The following BCKDHB variants were observed in gnomAD, a reference collection of about 807,000 sequenced individuals.
BCKDHB encodes the protein 2-oxoisovalerate dehydrogenase subunit beta, mitochondrial.
BCKDHB carries 41 observed loss-of-function variants against 48.5 expected under a neutral mutation model. The ratio of observed to expected loss-of-function variants is 0.85; its 90% CI spans 0.66 to 1.10. BCKDHB has a LOEUF of 1.10. Among genes scored for constraint, BCKDHB ranks in the 50% least tolerant of loss-of-function variants. BCKDHB has a pLI of 0.00. For missense variants in BCKDHB, 496 were observed against 494.2 expected, an observed-to-expected ratio of 1.00 and a Z score of -0.03; for synonymous variants, 201 against 174.8, an observed-to-expected ratio of 1.15 and a Z score of -1.18.
chr6:80,401,082 G>A, the BCKDHB span, among the ~76,000 whole-genome samples: 1 of 147,182 alleles, frequency 6.8e-6, no homozygotes, highest in Non-Finnish European at 1.5e-5. Context: ...GGTGGGAAGA[G>A]GGAGAAGATA....
intron 9 of BCKDHB, among the ~76,000 whole-genome samples, chr6:80,322,151 T>A (rs1768761200): frequency 6.6e-6 from 1 of 152,156 alleles, no homozygotes; most frequent in Non-Finnish European, 1.5e-5. Flanking sequence ...CTCTTTTCTT[T>A]ACTGTAATGG....
chr6:80,234,226 C>T (rs1776052049), intron 8 of BCKDHB, among the ~76,000 whole-genome samples: 6 of 152,124 alleles, frequency 3.9e-5, no homozygotes. Flanking sequence ...TTGGGGACCC[C>T]TGGTATAATG....
intron 3 of BCKDHB, among the ~76,000 whole-genome samples, chr6:80,158,686 T>TA (rs1213647494): frequency 1.3e-5 from 2 of 152,182 alleles, no homozygotes; most frequent in Admixed American, 1.3e-4. Flanking sequence ...CAGGCCTTTG[T>TA]ACTCTCACAC....
chr6:80,202,556 C>A (rs534634748), intron 7 of BCKDHB, among the ~76,000 whole-genome samples: 6 of 152,142 alleles, frequency 3.9e-5, no homozygotes, highest in African/African-American at 1.4e-4. Flanking sequence ...TGTTTAAATT[C>A]AGCTCTTATT....
chr6:80,374,473 CAGTTT>C, the BCKDHB span: 1 of 752,778 alleles, frequency 1.3e-6, no homozygotes, highest in African/African-American at 1.7e-5. Context: ...ATGGCCTGGG[CAGTTT>C]CACGAGTGTT....
In BCKDHB at chr6:80,113,262, C is replaced by G. The variant is rs557665320; in HGVS notation, c.196+6373C>G. Among the ~76,000 whole-genome samples the G allele has an allele frequency of 5.3e-5, 8 of 152,332 alleles. No homozygotes were observed. In the South Asian group the frequency reaches 1.7e-3, roughly 32 times the overall value. On this transcript the variant is annotated intron_variant, in intron 1 of 9. Coordinates refer to ENST00000320393, the MANE Select transcript of BCKDHB (RefSeq NM_183050.4). Reference sequence around the variant, plus strand: ...GATAGAAAAGAGTCCTCTCCTTCCCCCTCCTGGTATGGGCAGCTATCCCCC... The same window carrying G: ...GATAGAAAAGAGTCCTCTCCTTCCCGCTCCTGGTATGGGCAGCTATCCCCC...
chr6:80,275,920 A>G (rs1777952189), intron 9 of BCKDHB, among the ~76,000 whole-genome samples: 1 of 151,932 alleles, frequency 6.6e-6, no homozygotes, highest in Non-Finnish European at 1.5e-5. Flanking sequence ...AGCATGATTC[A>G]TATTTCTCTA....
At chr6:80,241,311 C>A (rs1344457650) in intron 8 of BCKDHB, among the ~76,000 whole-genome samples, 1 of 152,176 alleles carries the variant, frequency 6.6e-6, no homozygotes, top group African/African-American at 2.4e-5. Flanking sequence ...GAGCTGCGAT[C>A]CTTTGAAGGA....
chr6:80,308,008 G>T, intron 9 of BCKDHB: 5 of 773,316 alleles, frequency 6.5e-6, no homozygotes, highest in Non-Finnish European at 7.9e-6. Flanking sequence ...ACAACTAAGG[G>T]GATGGTCACT....
chr6:80,167,179 G>T (rs1772619083), intron 3 of BCKDHB, among the ~76,000 whole-genome samples: 1 of 151,898 alleles, frequency 6.6e-6, no homozygotes, highest in African/African-American at 2.4e-5. Flanking sequence ...TACTTTGCCT[G>T]CTATTAATAT....
chr6:80,432,858 G>T, the BCKDHB span, among the ~76,000 whole-genome samples: 1 of 152,042 alleles, frequency 6.6e-6, no homozygotes, highest in Non-Finnish European at 1.5e-5. Context: ...TATGGATGGG[G>T]TCTCTGAGTG....
chr6:80,254,529 C>G (rs1269162301), intron 8 of BCKDHB, among the ~76,000 whole-genome samples: 2 of 151,982 alleles, frequency 1.3e-5, no homozygotes, highest in Non-Finnish European at 2.9e-5. Flanking sequence ...GACCCCATCT[C>G]TACAAAAATA....
chr6:80,135,116 T>C, intron 3 of BCKDHB, among the ~76,000 whole-genome samples: 1 of 152,130 alleles, frequency 6.6e-6, no homozygotes, highest in Non-Finnish European at 1.5e-5. Flanking sequence ...TATATATTTT[T>C]TGTGAATTAT....
chr6:80,332,665 T>C lies in BCKDHB; in HGVS notation c.1039-10999T>C, dbSNP rs114680916. On this transcript the variant is annotated intron_variant, in intron 9 of 9. Coordinates refer to ENST00000320393, the MANE Select transcript of BCKDHB (RefSeq NM_183050.4). ...ATAAATGAGAGGGAACAAGTTTAAT[T>C]TATTGATGAAGCACTCTGATGATTT... Among the ~76,000 whole-genome samples the C allele has an allele frequency of 6.4e-3, 967 of 150,874 alleles. 10 individuals carry two copies. Among genetic ancestry groups the C allele is most frequent in the African/African-American group, 0.023 (933 of 41,128 alleles).
intron 3 of BCKDHB, among the ~76,000 whole-genome samples, chr6:80,167,364 C>CT (rs1384916197): frequency 2.0e-5 from 3 of 151,784 alleles, no homozygotes. Context: ...CATTAGATTA[C>CT]TTACAATTAA....
At chr6:80,323,986 G>A (rs1017191978) in intron 9 of BCKDHB, among the ~76,000 whole-genome samples, 6 of 152,024 alleles carry the variant, frequency 3.9e-5, no homozygotes, top group African/African-American at 7.2e-5. Flanking sequence ...GTTAGCCAGG[G>A]TGGTCTCGAT....
chr6:80,332,849 G>A (rs1344394677), intron 9 of BCKDHB, among the ~76,000 whole-genome samples: 1 of 151,782 alleles, frequency 6.6e-6, no homozygotes, highest in Admixed American at 6.6e-5. Context: ...CAGGCAAACG[G>A]CTAGGAATTA....
At chr6:80,450,551 CA>C in the BCKDHB span, among the ~76,000 whole-genome samples, 23 of 152,146 alleles carry the variant, frequency 1.5e-4, 1 homozygote, top group East Asian at 4.3e-3. Flanking sequence ...ACACAAAGGA[CA>C]ATAGATAAAC....
chr6:80,319,367 A>C (rs1455913861), intron 9 of BCKDHB, among the ~76,000 whole-genome samples: 1 of 152,212 alleles, frequency 6.6e-6, no homozygotes, highest in Non-Finnish European at 1.5e-5. Flanking sequence ...TGAATTATTA[A>C]AGTTAAGCTT....
Sources: gnomAD v4.1 joint callset for allele counts (sites outside exome capture counted in the v4.1 genomes callset) on GRCh38, gnomAD v4.1.1 for gene constraint, MANE v1.5 for transcripts, NCBI Gene and HGNC (gene_info 2026-07-23, HGNC 2026-07-21) for gene names.